Variants in CHKA observed in about 807,000 individuals in gnomAD.
CHKA encodes the protein CHETK-alpha.
CHKA carries 34 observed loss-of-function variants against 60.1 expected under a neutral mutation model. The ratio of observed to expected loss-of-function variants is 0.57; its 90% CI spans 0.43 to 0.75. The LOEUF (loss-of-function observed/expected upper bound fraction) is 0.75. Ranked by LOEUF, CHKA falls within the 30% of genes least tolerant of loss-of-function variation. The probability of loss-of-function intolerance (pLI) is 0.00; values close to 1 mark genes in which losing one functional copy is unlikely to be tolerated. For missense variants in CHKA, 563 were observed against 561.3 expected (o/e 1.00, Z -0.03); for synonymous variants, 217 against 223.1 (o/e 0.97, Z 0.24).
At chr11:68,072,512 T>C (rs902312618) in intron 4 of CHKA, among the ~76,000 whole-genome samples, 1 of 141,642 alleles carries the variant, frequency 7.1e-6, no homozygotes, top group African/African-American at 2.7e-5. Flanking sequence ...AGGCCACTTA[T>C]ACTTCACTAT....
intron 9 of CHKA, among the ~76,000 whole-genome samples, chr11:68,065,135 G>A (rs1396976425): frequency 2.0e-5 from 3 of 152,110 alleles, no homozygotes; most frequent in African/African-American, 4.8e-5. Flanking sequence ...CCTGGTGCCC[G>A]AAAGATTACT....
intron 1 of CHKA, among the ~76,000 whole-genome samples, chr11:68,106,684 T>C (rs1857926865): frequency 6.6e-6 from 1 of 152,212 alleles, no homozygotes; most frequent in Non-Finnish European, 1.5e-5. Context: ...CAGAAGTTTC[T>C]GCGAAAATTA....
intron 1 of CHKA, among the ~76,000 whole-genome samples, chr11:68,114,135 T>C (rs530686166): frequency 6.6e-6 from 1 of 152,248 alleles, no homozygotes; most frequent in Non-Finnish European, 1.5e-5. Flanking sequence ...GAATGCAAAA[T>C]GTTACAGCTA....
At chr11:68,102,445 T>C (rs1857760351) in intron 1 of CHKA, among the ~76,000 whole-genome samples, 1 of 152,004 alleles carries the variant, frequency 6.6e-6, no homozygotes, top group Non-Finnish European at 1.5e-5. Context: ...AAGAACACAA[T>C]AGGGAAAAAG....
intron 2 of CHKA, among the ~76,000 whole-genome samples, chr11:68,090,078 A>G (rs559589578): frequency 6.6e-6 from 1 of 152,208 alleles, no homozygotes; most frequent in Non-Finnish European, 1.5e-5. Flanking sequence ...AGACACTCTG[A>G]ATATGTAAAA....
At chr11:68,088,830 A>G (rs1857266326) in intron 2 of CHKA, among the ~76,000 whole-genome samples, 1 of 152,196 alleles carries the variant, frequency 6.6e-6, no homozygotes, top group Non-Finnish European at 1.5e-5. Context: ...TACAGGTGTG[A>G]GCCACTATGC....
At chr11:68,080,635 C>T (rs182381214) in intron 3 of CHKA, among the ~76,000 whole-genome samples, 10 of 152,296 alleles carry the variant, frequency 6.6e-5, no homozygotes, top group East Asian at 1.9e-4. Flanking sequence ...TGTGAGCCAC[C>T]GCATTCAGCC....
At chr11:68,088,743 T>C (rs879574809) in intron 2 of CHKA, among the ~76,000 whole-genome samples, 1 of 152,212 alleles carries the variant, frequency 6.6e-6, no homozygotes, top group Non-Finnish European at 1.5e-5. Context: ...CTTGCTTTTA[T>C]GGTTTCTTAC....
intron 1 of CHKA, among the ~76,000 whole-genome samples, chr11:68,103,049 T>C (rs1043897581): frequency 6.6e-6 from 1 of 151,942 alleles, no homozygotes; most frequent in Non-Finnish European, 1.5e-5. Flanking sequence ...CATAGGAGGA[T>C]TGTTTGAGCC....
Position 68,066,524 on chromosome 11 carries a change from A to T in CHKA, c.929-8T>A. 6.2e-7 allele frequency: 1 copy of T among 1,608,734 alleles called. No individual in the cohort carries two copies. On this transcript the variant is annotated splice_polypyrimidine_tract_variant and splice_region_variant and intron_variant, in intron 7 of 11. Transcript: ENST00000265689. ...CCAGCAACAAGATATTACCTGCAAA[A>T]GGTTTGGATAACATGGTTTATGTTT...
chr11:68,071,784 T>C (rs1856627802), intron 4 of CHKA, among the ~76,000 whole-genome samples: 1 of 152,098 alleles, frequency 6.6e-6, no homozygotes, highest in African/African-American at 2.4e-5. Flanking sequence ...TCTCACAGAG[T>C]TGCCAGGAGA....
At chr11:68,083,598 G>A (rs541299653) in intron 2 of CHKA, among the ~76,000 whole-genome samples, 104 of 152,156 alleles carry the variant, frequency 6.8e-4, no homozygotes, top group African/African-American at 2.4e-3. Context: ...ATCTAATGGC[G>A]CTCGCAAAAG....
intron 2 of CHKA, among the ~76,000 whole-genome samples, chr11:68,087,242 G>A (rs925306698): frequency 6.6e-6 from 1 of 152,146 alleles, no homozygotes; most frequent in African/African-American, 2.4e-5. Flanking sequence ...CACTTTGGGA[G>A]GTTGAGGGGG....
chr11:68,081,554 T>C, intron 2 of CHKA, 97 bp from the exon 3 acceptor site: 1 of 949,236 alleles, frequency 1.1e-6, no homozygotes, highest in Non-Finnish European at 1.7e-6. Context: ...TTACAAAACA[T>C]CACAGGTCTT....
chr11:68,062,137 C>A (rs567133469), intron 10 of CHKA, 103 bp from the exon 11 acceptor site: 7 of 811,052 alleles, frequency 8.6e-6, no homozygotes, highest in Admixed American at 2.5e-5. Flanking sequence ...TGTGTGGATG[C>A]AAACCTAGTT....
At chr11:68,074,600 G>T in intron 4 of CHKA, 117 bp downstream of exon 4, 3 of 827,086 alleles carry the variant, frequency 3.6e-6, no homozygotes, top group Non-Finnish European at 6.2e-6. Context: ...ACAGTTTAAT[G>T]ACATAGGTGA....
intron 11 of CHKA, among the ~76,000 whole-genome samples, chr11:68,055,516 C>T (rs779055193): frequency 1.6e-4 from 25 of 152,248 alleles, no homozygotes; most frequent in Admixed American, 1.0e-3. Flanking sequence ...CCCATCTTCA[C>T]ACTGGCTGTC....
At chr11:68,061,754 A>G (rs1186351902) in intron 11 of CHKA, 199 bp downstream of exon 11, 1 of 618,964 alleles carries the variant, frequency 1.6e-6, no homozygotes, top group South Asian at 1.5e-5. Flanking sequence ...CCACAGCATC[A>G]GTGACAGCGG....
chr11:68,087,965 T>C (rs1857234158), intron 2 of CHKA, among the ~76,000 whole-genome samples: 1 of 151,622 alleles, frequency 6.6e-6, no homozygotes, highest in African/African-American at 2.4e-5. Flanking sequence ...ATACAAAAAT[T>C]AGTCAGGTAT....
Sources: gnomAD v4.1 joint callset for allele counts (sites outside exome capture counted in the v4.1 genomes callset) on GRCh38, gnomAD v4.1.1 for gene constraint, MANE v1.5 for transcripts, NCBI Gene and HGNC (gene_info 2026-07-23, HGNC 2026-07-21) for gene names.